Variants in BLNK observed in about 807,000 individuals in gnomAD.
BLNK encodes the protein B cell linker, also known as B-cell linker protein.
In BLNK, 29 loss-of-function variants were observed where a neutral mutation model predicts 73.5. That is an observed-to-expected ratio of 0.39 (90% CI 0.29 to 0.54). The LOEUF (loss-of-function observed/expected upper bound fraction) is 0.54, where lower values mean the gene tolerates loss of function less well. Ranked by LOEUF, BLNK falls within the 20% of genes least tolerant of loss-of-function variation. The probability of loss-of-function intolerance (pLI) is 0.61; values close to 1 mark genes in which losing one functional copy is unlikely to be tolerated. For missense variants in BLNK, 460 were observed against 562.8 expected, an observed-to-expected ratio of 0.82 and a Z score of 1.85; for synonymous variants, 176 against 200.8, an observed-to-expected ratio of 0.88 and a Z score of 1.04.
chr10:96,240,865 A>G (rs1313665447), intron 3 of BLNK, among the ~76,000 whole-genome samples: 1 of 152,232 alleles, frequency 6.6e-6, no homozygotes, highest in Non-Finnish European at 1.5e-5. Flanking sequence ...TAACAGGTTG[A>G]GTCTGCTTTG....
intron 1 of BLNK, among the ~76,000 whole-genome samples, chr10:96,255,390 C>T (rs1843466697): frequency 6.6e-6 from 1 of 152,064 alleles, no homozygotes; most frequent in South Asian, 2.1e-4. Flanking sequence ...GTAAGAAGTA[C>T]TTTTTTAAAA....
chr10:96,241,748 T>G (rs1842886614), intron 3 of BLNK, among the ~76,000 whole-genome samples: 1 of 138,628 alleles, frequency 7.2e-6, no homozygotes, highest in Non-Finnish European at 1.6e-5. Flanking sequence ...TTTTTTTTTT[T>G]GAGACAGGGT....
At chr10:96,254,963 A>AC (rs2134117656) in intron 1 of BLNK, among the ~76,000 whole-genome samples, 1 of 152,238 alleles carries the variant, frequency 6.6e-6, no homozygotes, top group South Asian at 2.1e-4. Flanking sequence ...TAATCTTGAC[A>AC]CCCAGGCCTT....
At chr10:96,257,864 C>A (rs111893680) in intron 1 of BLNK, among the ~76,000 whole-genome samples, 16 of 152,344 alleles carry the variant, frequency 1.1e-4, no homozygotes, top group Non-Finnish European at 1.8e-4. Flanking sequence ...CAGAAACCTT[C>A]TGGCCTATGT....
chr10:96,211,303 G>A (rs2083942500), intron 8 of BLNK, among the ~76,000 whole-genome samples: 1 of 152,116 alleles, frequency 6.6e-6, no homozygotes, highest in Non-Finnish European at 1.5e-5. Context: ...AAGGATTATT[G>A]AGGACTTGGT....
intron 8 of BLNK, chr10:96,210,260 G>C (rs2083916066): frequency 2.7e-6 from 1 of 370,162 alleles, no homozygotes; most frequent in Non-Finnish European, 5.2e-6. Context: ...TTCAGGAAGG[G>C]AGCCAACAGC....
At chr10:96,193,954 G>A (rs782147263) in intron 16 of BLNK, among the ~76,000 whole-genome samples, 15 of 152,254 alleles carry the variant, frequency 9.9e-5, no homozygotes, top group African/African-American at 3.6e-4. Context: ...TTAAGTAAGA[G>A]TTTTAATTGA....
At chr10:96,199,711 C>T (rs1462123586) in intron 15 of BLNK, among the ~76,000 whole-genome samples, 3 of 152,136 alleles carry the variant, frequency 2.0e-5, no homozygotes, top group Admixed American at 2.0e-4. Flanking sequence ...GAGGGCAAAA[C>T]GTGTGATTTA....
intron 8 of BLNK, among the ~76,000 whole-genome samples, chr10:96,211,750 G>C (rs978537700): frequency 2.0e-5 from 3 of 152,200 alleles, no homozygotes; most frequent in Admixed American, 2.0e-4. Flanking sequence ...CATTTCATGT[G>C]ACAACATGAA....
At chr10:96,247,882 T>C (rs1554908049) in intron 1 of BLNK, among the ~76,000 whole-genome samples, 1 of 152,192 alleles carries the variant, frequency 6.6e-6, no homozygotes, top group Non-Finnish European at 1.5e-5. Flanking sequence ...GGGAAACCCC[T>C]AGAAGGAAAA....
intron 3 of BLNK, among the ~76,000 whole-genome samples, chr10:96,231,237 A>G (rs1307466343): frequency 2.6e-5 from 4 of 152,162 alleles, no homozygotes; most frequent in Non-Finnish European, 5.9e-5. Context: ...AATGCGTTGG[A>G]GTGTGGGCAA....
intron 5 of BLNK, among the ~76,000 whole-genome samples, chr10:96,226,341 G>T (rs1842258102): frequency 6.6e-6 from 1 of 152,216 alleles, no homozygotes; most frequent in Non-Finnish European, 1.5e-5. Context: ...AGTAAGCCCA[G>T]CTGGCCTTCA....
intron 1 of BLNK, among the ~76,000 whole-genome samples, chr10:96,253,758 G>A (rs7085521): frequency 0.014 from 2,151 of 152,168 alleles, 38 homozygotes; most frequent in African/African-American, 0.045. Context: ...GCTCACGCCT[G>A]TAATCCCAGC....
intron 1 of BLNK, among the ~76,000 whole-genome samples, chr10:96,263,174 C>G (rs983016594): frequency 2.0e-5 from 3 of 152,174 alleles, no homozygotes; most frequent in Non-Finnish European, 4.4e-5. Context: ...GCCCCTTGGT[C>G]GAAATTGTTA....
chr10:96,229,892 T>C (rs587749276), intron 4 of BLNK, among the ~76,000 whole-genome samples: 9 of 152,198 alleles, frequency 5.9e-5, no homozygotes, highest in Admixed American at 3.3e-4. Flanking sequence ...CTCCAGGTAG[T>C]GTGCACAGCC....
At chr10:96,198,456 CAG>C (rs1429846125) in intron 15 of BLNK, among the ~76,000 whole-genome samples, 1 of 152,142 alleles carries the variant, frequency 6.6e-6, no homozygotes, top group African/African-American at 2.4e-5. Context: ...ATTATCAACT[CAG>C]AGATATATTC....
chr10:96,223,606 C>A (rs2084251780), intron 6 of BLNK, among the ~76,000 whole-genome samples: 1 of 152,160 alleles, frequency 6.6e-6, no homozygotes, highest in Admixed American at 6.5e-5. Flanking sequence ...GGGGCACAGA[C>A]TCAGTATTGA....
chr10:96,213,021 C>T (rs2083983373), intron 8 of BLNK, among the ~76,000 whole-genome samples: 1 of 152,154 alleles, frequency 6.6e-6, no homozygotes, highest in Non-Finnish European at 1.5e-5. Context: ...ATCTGATGAC[C>T]CTAGTATTAA....
chr10:96,267,673 G>C (rs1428572465), intron 1 of BLNK, among the ~76,000 whole-genome samples: 6 of 152,210 alleles, frequency 3.9e-5, no homozygotes, highest in Non-Finnish European at 8.8e-5. Flanking sequence ...TGAACGCAGA[G>C]AAGGAATGTT....
Sources: allele counts gnomAD v4.1 joint callset (sites outside exome capture counted in the v4.1 genomes callset), GRCh38; gene constraint gnomAD v4.1.1; transcripts MANE v1.5; gene names NCBI Gene and HGNC (gene_info 2026-07-23, HGNC 2026-07-21).